Variants in CEMIP observed in about 807,000 individuals in gnomAD.
The protein encoded by CEMIP is cell migration-inducing and hyaluronan-binding protein.
CEMIP carries 105 observed loss-of-function variants against 156.9 expected under a neutral mutation model. The ratio of observed to expected loss-of-function variants is 0.67; its 90% CI spans 0.57 to 0.79. The LOEUF is 0.79. Among genes scored for constraint, CEMIP ranks in the 30% least tolerant of loss-of-function variants. The pLI, the probability that CEMIP is intolerant of heterozygous loss-of-function variation, is 0.00. For synonymous variants in CEMIP, 676 were observed against 668.4 expected (o/e 1.01, Z -0.17); for missense variants, 1,457 against 1,769.4 (o/e 0.82, Z 3.17).
At chr15:80,863,758 A>G (rs1474105074) in intron 1 of CEMIP, among the ~76,000 whole-genome samples, 1 of 152,210 alleles carries the variant, frequency 6.6e-6, no homozygotes, top group African/African-American at 2.4e-5. Context: ...TGGGACTAAG[A>G]ATAGATCTGC....
At chr15:80,870,553 C>T (rs978724121) in intron 1 of CEMIP, among the ~76,000 whole-genome samples, 7 of 152,138 alleles carry the variant, frequency 4.6e-5, no homozygotes, top group Non-Finnish European at 7.3e-5. Context: ...CCCTGGACTC[C>T]GGTGCGGCTG....
At chr15:80,788,619 GT>G (rs1896004895) in intron 1 of CEMIP, among the ~76,000 whole-genome samples, 2 of 152,146 alleles carry the variant, frequency 1.3e-5, no homozygotes, top group African/African-American at 4.8e-5. Flanking sequence ...TTTTCCAAAG[GT>G]TTGGGTTCAG....
At chr15:80,907,277 C>G (rs867607886) in intron 13 of CEMIP, among the ~76,000 whole-genome samples, 2 of 152,204 alleles carry the variant, frequency 1.3e-5, no homozygotes, top group Non-Finnish European at 2.9e-5. Flanking sequence ...GAAGTCACAG[C>G]ATTGGCTGGG....
At chr15:80,923,726 G>C (rs988229332) in intron 17 of CEMIP, among the ~76,000 whole-genome samples, 24 of 152,184 alleles carry the variant, frequency 1.6e-4, no homozygotes, top group African/African-American at 5.5e-4. Flanking sequence ...CATCCACAGT[G>C]AGAGGGACCT....
intron 1 of CEMIP, among the ~76,000 whole-genome samples, chr15:80,780,727 G>A (rs941227739): frequency 9.2e-5 from 14 of 152,228 alleles, no homozygotes; most frequent in Non-Finnish European, 1.8e-4. Flanking sequence ...AAGTGATCCA[G>A]GGCGCGCCCG....
chr15:80,832,577 G>A (rs1266549662), intron 1 of CEMIP, among the ~76,000 whole-genome samples: 1 of 152,050 alleles, frequency 6.6e-6, no homozygotes, highest in Non-Finnish European at 1.5e-5. Context: ...ATACATGTCA[G>A]GATTTGCCAC....
intron 17 of CEMIP, among the ~76,000 whole-genome samples, chr15:80,922,409 CAG>C (rs765783428): frequency 2.2e-4 from 33 of 152,354 alleles, no homozygotes; most frequent in Non-Finnish European, 3.8e-4. Context: ...CTCATGCTGA[CAG>C]GGGGAGAGCT....
chr15:80,835,183 C>T (rs1411935157), intron 1 of CEMIP, among the ~76,000 whole-genome samples: 2 of 152,134 alleles, frequency 1.3e-5, no homozygotes, highest in East Asian at 1.9e-4. Flanking sequence ...AGCTCCAGCC[C>T]GCCTCCTGCC....
rs181293639 is a variant in CEMIP at position 80,929,137 on chromosome 15, G to A, written c.2575G>A (p.Gly859Ser). 2.4e-4 allele frequency: 384 copies of A among 1,614,206 alleles called. No individual in the cohort carries two copies. Among genetic ancestry groups the A allele is most frequent in the Admixed American group, 1.7e-4 (10 of 60,030 alleles). Residue 859 changes from glycine to serine, a missense_variant, in exon 21 of 30, where the codon GGC becomes AGC. Coordinates refer to ENST00000394685, the MANE Select transcript of CEMIP (RefSeq NM_001293298.2). ...MMDNRIWGPG[G>S]LDHSGRTLPI... ...GGACAATAGGATCTGGGGCCCTGGC[G>A]GCTTGGACCATAGCGGAAGGACCCT... is the stretch of plus-strand genomic sequence containing the variant.
intron 1 of CEMIP, among the ~76,000 whole-genome samples, chr15:80,803,295 C>T (rs1896424847): frequency 6.6e-6 from 1 of 152,148 alleles, no homozygotes; most frequent in South Asian, 2.1e-4. Context: ...CTCCCTAGAA[C>T]AAGAGTGTAT....
intron 1 of CEMIP, among the ~76,000 whole-genome samples, chr15:80,859,450 G>T (rs1423526578): frequency 1.3e-5 from 2 of 152,228 alleles, no homozygotes; most frequent in Admixed American, 6.5e-5. Flanking sequence ...GAGGCATCTT[G>T]CTGGCAATGA....
At chr15:80,792,135 A>G (rs549489308) in intron 1 of CEMIP, among the ~76,000 whole-genome samples, 32 of 152,364 alleles carry the variant, frequency 2.1e-4, no homozygotes, top group Middle Eastern at 3.4e-3. Flanking sequence ...AAGTAGCCAG[A>G]GGAGAGAAAG....
At position 80,876,055 on chromosome 15, in the gene CEMIP, C is replaced by T. The variant is rs564988940; in HGVS notation, c.94+2082C>T. 1.1e-4 allele frequency among the ~76,000 whole-genome samples: 16 copies of T among 152,330 alleles called. No individual in the cohort carries two copies. In the East Asian group the frequency reaches 1.3e-3, roughly 13 times the overall value. ...GGATTGTCCTGGCAGATGCGGACTA[C>T]GAGGCTGCAAGGCTTTGCCCAGTGG... On this transcript the variant is annotated intron_variant, in intron 3 of 29. Transcript: ENST00000394685.
chr15:80,804,767 G>A (rs1039337798), intron 1 of CEMIP, among the ~76,000 whole-genome samples: 1 of 152,124 alleles, frequency 6.6e-6, no homozygotes, highest in African/African-American at 2.4e-5. Context: ...TGATAAAACC[G>A]AGGTCTTTCC....
intron 12 of CEMIP, among the ~76,000 whole-genome samples, chr15:80,901,702 C>CAA (rs35218666): frequency 1.3e-3 from 173 of 136,558 alleles, no homozygotes; most frequent in Middle Eastern, 3.8e-3. Flanking sequence ...GACTTTGTCT[C>CAA]AAAAAAAAAA....
At chr15:80,789,284 G>T (rs1384937208) in intron 1 of CEMIP, among the ~76,000 whole-genome samples, 1 of 152,186 alleles carries the variant, frequency 6.6e-6, no homozygotes, top group South Asian at 2.1e-4. Context: ...CAGAGAAAGT[G>T]GAGAAGACAG....
chr15:80,821,421 A>G (rs1446902590), intron 1 of CEMIP, among the ~76,000 whole-genome samples: 2 of 152,236 alleles, frequency 1.3e-5, no homozygotes, highest in Non-Finnish European at 2.9e-5. Context: ...GGATGAGTAC[A>G]GGTGCTTTCT....
intron 1 of CEMIP, among the ~76,000 whole-genome samples, chr15:80,789,496 G>A (rs544202522): frequency 3.9e-4 from 60 of 152,314 alleles, no homozygotes; most frequent in African/African-American, 1.4e-3. Flanking sequence ...GTTCCTGGTA[G>A]TGAGAGAGAA....
intron 1 of CEMIP, among the ~76,000 whole-genome samples, chr15:80,794,640 A>AT (rs201683848): frequency 2.6e-5 from 4 of 152,176 alleles, no homozygotes; most frequent in East Asian, 1.9e-4. Context: ...GATTGTTTAC[A>AT]TTTTTTTATA....
Sources: allele counts gnomAD v4.1 joint callset (sites outside exome capture counted in the v4.1 genomes callset), GRCh38; gene constraint gnomAD v4.1.1; transcripts MANE v1.5; gene names NCBI Gene and HGNC (gene_info 2026-07-23, HGNC 2026-07-21).